EMSY: variants seen among roughly 807,000 people sequenced by gnomAD.
The protein encoded by EMSY is EMSY transcriptional repressor, BRCA2 interacting, also known as BRCA2-interacting transcriptional repressor EMSY.
EMSY carries 26 observed loss-of-function variants against 134.6 expected under a neutral mutation model. The ratio of observed to expected loss-of-function variants is 0.19; its 90% CI spans 0.14 to 0.27. The LOEUF is 0.27. Among genes scored for constraint, EMSY ranks in the 10% least tolerant of loss-of-function variants. The probability of loss-of-function intolerance (pLI) is 1.00; values close to 1 mark genes in which losing one functional copy is unlikely to be tolerated. For missense variants in EMSY, 1,305 were observed against 1,611.4 expected (o/e 0.81, Z 3.26); for synonymous variants, 579 against 577.8 (o/e 1.00, Z -0.03).
intron 8 of EMSY, among the ~76,000 whole-genome samples, chr11:76,477,083 T>G (rs541712843): frequency 6.6e-6 from 1 of 152,130 alleles, no homozygotes; most frequent in South Asian, 2.1e-4. Context: ...AAATTATACC[T>G]TTAATGTATT....
At chr11:76,525,176 A>G (rs1939469) in intron 12 of EMSY, among the ~76,000 whole-genome samples, 20,721 of 152,220 alleles carry the variant, frequency 0.14, 1,786 homozygotes, top group East Asian at 0.28. Flanking sequence ...GGGTCCATTG[A>G]GCTATTTAAT....
intron 9 of EMSY, among the ~76,000 whole-genome samples, chr11:76,512,737 C>A (rs1444805653): frequency 6.8e-6 from 1 of 146,692 alleles, no homozygotes; most frequent in African/African-American, 2.5e-5. Flanking sequence ...AAAAAAAAAA[C>A]CATAAATCAC....
chr11:76,544,065 C>T (rs1264486725), intron 18 of EMSY, among the ~76,000 whole-genome samples, 194 bp from the exon 20 acceptor site: 2 of 152,124 alleles, frequency 1.3e-5, no homozygotes, highest in Non-Finnish European at 2.9e-5. Context: ...GTAAGTAGAC[C>T]AGTTTTCGAA....
chr11:76,457,907 A>G (rs1248876551), intron 4 of EMSY, among the ~76,000 whole-genome samples: 1 of 152,200 alleles, frequency 6.6e-6, no homozygotes, highest in African/African-American at 2.4e-5. Flanking sequence ...ACCAAGGCCG[A>G]TATTTATTTA....
intron 20 of EMSY, among the ~76,000 whole-genome samples, chr11:76,548,549 C>T (rs1951735119): frequency 6.6e-6 from 1 of 152,132 alleles, no homozygotes; most frequent in Non-Finnish European, 1.5e-5. Flanking sequence ...ACAGTGTATC[C>T]TCCAACTATC....
At chr11:76,545,177 T>C (rs1951597275) in intron 19 of EMSY, among the ~76,000 whole-genome samples, 1 of 152,202 alleles carries the variant, frequency 6.6e-6, no homozygotes, top group African/African-American at 2.4e-5. Context: ...ATTTCTGTGG[T>C]AATAATGCTA....
chr11:76,538,279 G>A (rs1951299801), intron 16 of EMSY, among the ~76,000 whole-genome samples: 2 of 152,122 alleles, frequency 1.3e-5, no homozygotes, highest in South Asian at 4.1e-4. Flanking sequence ...TTTGTTTTGA[G>A]ACAGGGTCTC....
chr11:76,530,383 A>G (rs1590988763), intron 14 of EMSY, among the ~76,000 whole-genome samples: 1 of 150,622 alleles, frequency 6.6e-6, no homozygotes, highest in African/African-American at 2.4e-5. Flanking sequence ...CTGGTCTTGA[A>G]CTCCTGACTT....
rs778017763 is a variant in EMSY at position 76,537,805 on chromosome 11, A to G, written c.2370A>G (p.Lys790=). 7.5e-6 allele frequency: 12 copies of G among 1,598,516 alleles called. No individual in the cohort carries two copies. In the African/African-American group the frequency reaches 1.6e-4, roughly 22 times the overall value. Reference sequence around the variant, plus strand: ...GACTTTTTTATGCAGTAAAGGAAAAATTGGAATCTAAACCAAGACAACCCA... The same window carrying G: ...GACTTTTTTATGCAGTAAAGGAAAAGTTGGAATCTAAACCAAGACAACCCA... The change falls in exon 16 of 21, where the codon AAA becomes AAG. Residue 790 remains lysine, a synonymous_variant. Transcript: ENST00000334736.
At chr11:76,549,501 A>G (rs1951771886) in intron 20 of EMSY, among the ~76,000 whole-genome samples, 1 of 79,392 alleles carries the variant, frequency 1.3e-5, no homozygotes, top group African/African-American at 4.2e-5. Context: ...ATTAGGCTAC[A>G]TTTACATTTA....
In EMSY at chr11:76,484,559, TAAAG is replaced by T. The variant is rs200636624; in HGVS notation, c.1109-11654_1109-11651del. Reference sequence around the variant, plus strand: ...ATCAAATAGACACAATAAAAAATGATAAAGAGAATATTACCACTGATCCCACAGA... The same window carrying T: ...ATCAAATAGACACAATAAAAAATGATAGAATATTACCACTGATCCCACAGA... On this transcript the variant is annotated intron_variant, in intron 8 of 20. Coordinates refer to ENST00000334736, the Ensembl canonical transcript of EMSY. Among the ~76,000 whole-genome samples the T allele has an allele frequency of 5.0e-3, 757 of 152,184 alleles. 5 individuals carry two copies. The highest frequency in any genetic ancestry group is 0.017 in the African/African-American group (707 of 41,512).
chr11:76,448,074 A>C (rs1197767928), intron 2 of EMSY, among the ~76,000 whole-genome samples: 2 of 149,614 alleles, frequency 1.3e-5, no homozygotes, highest in African/African-American at 5.1e-5. Flanking sequence ...TTGTTAAAAC[A>C]AAAAAAAAGA....
exon 21 of EMSY, chr11:76,551,046 G>A (rs762970010): frequency 6.5e-6 from 1 of 152,736 alleles, no homozygotes; most frequent in Non-Finnish European, 1.5e-5. Context: ...CTTTCTTAAC[G>A]TTGAAATTGC....
chr11:76,544,508 C>G (rs1411160819), exon 19 of EMSY: 1 of 1,614,144 alleles, frequency 6.2e-7, no homozygotes, highest in Non-Finnish European at 8.5e-7. Context: ...GGCAGACCAG[C>G]TCCAGCACAA....
At chr11:76,492,540 A>G (rs565288673) in intron 8 of EMSY, among the ~76,000 whole-genome samples, 1 of 152,208 alleles carries the variant, frequency 6.6e-6, no homozygotes, top group Admixed American at 6.5e-5. Flanking sequence ...ATGCTTTCAC[A>G]TCAGATACTT....
intron 20 of EMSY, among the ~76,000 whole-genome samples, chr11:76,546,689 G>A (rs1430460280): frequency 2.0e-5 from 3 of 152,116 alleles, no homozygotes; most frequent in African/African-American, 7.2e-5. Context: ...GAATGTAACT[G>A]GATTGCACTT....
chr11:76,543,587 A>G (rs903652326), intron 18 of EMSY, among the ~76,000 whole-genome samples: 7 of 152,172 alleles, frequency 4.6e-5, no homozygotes, highest in African/African-American at 1.7e-4. Context: ...AACACTTATC[A>G]CTGACACTGG....
At chr11:76,447,943 T>C (rs1033509698) in intron 2 of EMSY, among the ~76,000 whole-genome samples, 1 of 152,212 alleles carries the variant, frequency 6.6e-6, no homozygotes, top group African/African-American at 2.4e-5. Flanking sequence ...TTTAGATATC[T>C]GTGATTTTAA....
chr11:76,468,513 T>C (rs932360664), intron 7 of EMSY, among the ~76,000 whole-genome samples: 2 of 152,222 alleles, frequency 1.3e-5, no homozygotes, highest in African/African-American at 2.4e-5. Context: ...TGGAGTTTTA[T>C]GTTTTTCTTT....
Sources: allele counts gnomAD v4.1 joint callset (sites outside exome capture counted in the v4.1 genomes callset), GRCh38; gene constraint gnomAD v4.1.1; transcripts MANE v1.5; gene names NCBI Gene and HGNC (gene_info 2026-07-23, HGNC 2026-07-21).